DLGAP1: variants seen among roughly 807,000 people sequenced by gnomAD.
DLGAP1 encodes disks large-associated protein 1.
In DLGAP1, 11 loss-of-function variants were observed where a neutral mutation model predicts 90.8. That is an observed-to-expected ratio of 0.12 (90% CI 0.08 to 0.20). The LOEUF (loss-of-function observed/expected upper bound fraction) is 0.20, where lower values mean the gene tolerates loss of function less well. DLGAP1 is among the 10% of genes least tolerant of loss of function. The pLI is 1.00. For synonymous variants in DLGAP1, 558 were observed against 540.7 expected, an observed-to-expected ratio of 1.03 and a Z score of -0.44; for missense variants, 1,050 against 1,333.8, an observed-to-expected ratio of 0.79 and a Z score of 3.31.
chr18:3,970,906 G>A (rs1351236183), intron 3 of DLGAP1, among the ~76,000 whole-genome samples: 1 of 152,102 alleles, frequency 6.6e-6, no homozygotes, highest in African/African-American at 2.4e-5. Context: ...TGCATCCTGG[G>A]CCTATGAGGT....
chr18:3,654,589 T>C (rs974567860), intron 7 of DLGAP1: 1 of 152,190 alleles, frequency 6.6e-6, no homozygotes, highest in African/African-American at 2.4e-5. Flanking sequence ...TTATCTGTAA[T>C]TCAACAGATA....
chr18:4,143,684 G>T (rs539865481), intron 2 of DLGAP1, among the ~76,000 whole-genome samples: 1 of 151,978 alleles, frequency 6.6e-6, no homozygotes, highest in Admixed American at 6.5e-5. Context: ...AAGCAGAAAT[G>T]GTCTCTACCC....
At chr18:3,785,966 A>G (rs769674547) in intron 5 of DLGAP1, among the ~76,000 whole-genome samples, 5 of 151,898 alleles carry the variant, frequency 3.3e-5, no homozygotes, top group Non-Finnish European at 5.9e-5. Flanking sequence ...GGCAGTCTAT[A>G]TTTCTTGGCT....
chr18:3,521,100 T>A (rs570605357), intron 10 of DLGAP1, among the ~76,000 whole-genome samples: 1 of 152,292 alleles, frequency 6.6e-6, no homozygotes, highest in Non-Finnish European at 1.5e-5. Flanking sequence ...GTGACTCCAC[T>A]GTGTACTGAC....
intron 7 of DLGAP1, among the ~76,000 whole-genome samples, chr18:3,669,485 G>A (rs371065383): frequency 6.6e-5 from 10 of 152,314 alleles, no homozygotes; most frequent in African/African-American, 1.9e-4. Flanking sequence ...GGACGTGTTG[G>A]GAAACACATC....
intron 3 of DLGAP1, among the ~76,000 whole-genome samples, chr18:3,926,834 C>A (rs1405145674): frequency 2.6e-5 from 4 of 152,010 alleles, no homozygotes; most frequent in Non-Finnish European, 1.5e-5. Context: ...AGAGCCTGGG[C>A]ATTTTGGAAA....
intron 1 of DLGAP1, among the ~76,000 whole-genome samples, chr18:4,289,229 T>C: frequency 6.6e-6 from 1 of 152,104 alleles, no homozygotes; most frequent in African/African-American, 2.4e-5. Flanking sequence ...TCTTGTGTGT[T>C]TGTCTAGGGT....
intron 1 of DLGAP1, among the ~76,000 whole-genome samples, chr18:4,238,579 C>A (rs1274273208): frequency 6.6e-6 from 1 of 152,084 alleles, no homozygotes; most frequent in Non-Finnish European, 1.5e-5. Context: ...TTTTTGGTAT[C>A]CTTCCTTCAA....
chr18:4,079,806 G>A (rs902449196), intron 2 of DLGAP1, among the ~76,000 whole-genome samples: 5 of 151,898 alleles, frequency 3.3e-5, no homozygotes, highest in African/African-American at 4.8e-5. Context: ...CCAGATTCAG[G>A]ATCTGGTGCT....
intron 1 of DLGAP1, among the ~76,000 whole-genome samples, chr18:4,322,933 C>T (rs547699178): frequency 4.4e-4 from 57 of 129,932 alleles, no homozygotes; most frequent in South Asian, 4.3e-3. Context: ...TGCACTCCAG[C>T]CTGGGCACAG....
chr18:3,597,652 C>T, intron 7 of DLGAP1: 1 of 210,062 alleles, frequency 4.8e-6, no homozygotes, highest in Non-Finnish European at 9.6e-6. Flanking sequence ...CTGCCACTGC[C>T]CTAGGAACAG....
At chr18:3,907,580 C>A (rs890337599) in intron 3 of DLGAP1, among the ~76,000 whole-genome samples, 8 of 152,152 alleles carry the variant, frequency 5.3e-5, no homozygotes, top group Non-Finnish European at 8.8e-5. Flanking sequence ...CCTCAGAGAG[C>A]CCCTCACTTC....
intron 2 of DLGAP1, among the ~76,000 whole-genome samples, chr18:4,049,578 G>A (rs753554226): frequency 4.6e-5 from 7 of 152,038 alleles, no homozygotes; most frequent in Admixed American, 6.6e-5. Flanking sequence ...GTTTCCTTAG[G>A]GAATTCCTTT....
chr18:4,305,591 G>A (rs1350218640), intron 1 of DLGAP1, among the ~76,000 whole-genome samples: 1 of 150,516 alleles, frequency 6.6e-6, no homozygotes, highest in African/African-American at 2.4e-5. Flanking sequence ...TTTAGTCCAC[G>A]AAGACACGAC....
Position 3,934,231 on chromosome 18 carries a change from C to T in DLGAP1, c.-72-54091G>A, listed in dbSNP as rs936265708. Among the ~76,000 whole-genome samples the T allele has an allele frequency of 2.6e-5, 4 of 152,298 alleles. No individual in the cohort carries two copies. The East Asian group carries it at 5.8e-4, about 22-fold the overall frequency. On this transcript the variant is annotated intron_variant, in intron 3 of 12. Coordinates refer to ENST00000315677, the MANE Select transcript of DLGAP1 (RefSeq NM_004746.4). ...GCCACGACACTGTAAAAGTAGATTGCAGTGATGTGAATTTCCCTAAAGGTT... is the reference window on the plus strand; with the variant it reads ...GCCACGACACTGTAAAAGTAGATTGTAGTGATGTGAATTTCCCTAAAGGTT...
chr18:3,799,110 C>T (rs923190494), intron 5 of DLGAP1, among the ~76,000 whole-genome samples: 2 of 152,106 alleles, frequency 1.3e-5, no homozygotes, highest in African/African-American at 2.4e-5. Context: ...CTCCTGACCT[C>T]GTGATCCACC....
intron 1 of DLGAP1, among the ~76,000 whole-genome samples, chr18:4,439,934 C>T (rs894452744): frequency 1.1e-4 from 16 of 151,442 alleles, no homozygotes; most frequent in African/African-American, 2.7e-4. Flanking sequence ...CTGGCTAACA[C>T]GGTGAAACCC....
intron 3 of DLGAP1, among the ~76,000 whole-genome samples, chr18:3,889,374 CT>C (rs2071402657): frequency 6.6e-6 from 1 of 152,044 alleles, no homozygotes; most frequent in South Asian, 2.1e-4. Context: ...CTGGCATATT[CT>C]ATACAACTTG....
chr18:4,219,032 T>A (rs1056571110), intron 1 of DLGAP1, among the ~76,000 whole-genome samples: 1 of 136,170 alleles, frequency 7.3e-6, no homozygotes, highest in East Asian at 2.0e-4. Flanking sequence ...TCTTTGTTTT[T>A]TTTTTTTTTT....
Sources: gnomAD v4.1 joint callset for allele counts (sites outside exome capture counted in the v4.1 genomes callset) on GRCh38, gnomAD v4.1.1 for gene constraint, MANE v1.5 for transcripts, NCBI Gene and HGNC (gene_info 2026-07-23, HGNC 2026-07-21) for gene names.